Variants in PCDHA6 observed in about 807,000 individuals in gnomAD.
PCDHA6 encodes the protein protocadherin alpha-6.
Under a neutral mutation model 60.3 loss-of-function variants are expected in PCDHA6, and 55 were observed. That is an observed-to-expected ratio of 0.91 (90% CI 0.73 to 1.14). The LOEUF is 1.14. Among genes scored for constraint, PCDHA6 ranks in the 50% most tolerant of loss-of-function variants. The pLI, the probability that PCDHA6 is intolerant of heterozygous loss-of-function variation, is 0.00. For missense variants in PCDHA6, 1,327 were observed against 1,256.5 expected (o/e 1.06, Z -0.85); for synonymous variants, 652 against 557.9 (o/e 1.17, Z -2.38).
chr5:140,885,122 T>A (rs191806335), intron 1 of PCDHA6, among the ~76,000 whole-genome samples: 1 of 152,332 alleles, frequency 6.6e-6, no homozygotes, highest in African/African-American at 2.4e-5. Context: ...AGTGCACTTT[T>A]CTTTCTTTCT....
At chr5:140,890,781 A>G (rs2153431855) in intron 1 of PCDHA6, among the ~76,000 whole-genome samples, 1 of 152,280 alleles carries the variant, frequency 6.6e-6, no homozygotes, top group African/African-American at 2.4e-5. Context: ...ACCCCATAAG[A>G]TATTAGTATT....
At chr5:140,858,080 T>C in intron 1 of PCDHA6, 1 of 1,597,738 alleles carries the variant, frequency 6.3e-7, no homozygotes, top group Non-Finnish European at 8.6e-7. Flanking sequence ...ACCCAAGGCC[T>C]CGTCGCGGGC....
chr5:140,894,892 G>T (rs941698896), intron 1 of PCDHA6, among the ~76,000 whole-genome samples: 8 of 152,060 alleles, frequency 5.3e-5, no homozygotes, highest in Non-Finnish European at 1.0e-4. Flanking sequence ...AACAGACCAG[G>T]ATAATTTTCC....
At chr5:140,938,752 A>G (rs1213369856) in intron 1 of PCDHA6, among the ~76,000 whole-genome samples, 1 of 152,146 alleles carries the variant, frequency 6.6e-6, no homozygotes, top group Non-Finnish European at 1.5e-5. Flanking sequence ...TTTTAAAGGC[A>G]TAGTTATTGG....
chr5:140,855,491 A>G (rs251361), intron 1 of PCDHA6, among the ~76,000 whole-genome samples: 72,952 of 149,084 alleles, frequency 0.49, 20,776 homozygotes, highest in South Asian at 0.61. Flanking sequence ...TTAGTGTCTA[A>G]ATAAACCTTA....
At chr5:140,968,288 C>A in intron 1 of PCDHA6, 1 of 1,613,976 alleles carries the variant, frequency 6.2e-7, no homozygotes, top group Non-Finnish European at 8.5e-7. Context: ...GACCTACTCC[C>A]TTCTGGAGAG....
intron 3 of PCDHA6, among the ~76,000 whole-genome samples, chr5:140,995,186 A>T (rs2097669011): frequency 6.6e-6 from 1 of 152,132 alleles, no homozygotes; most frequent in Non-Finnish European, 1.5e-5. Flanking sequence ...ACCTATGATA[A>T]AGTTTAATTT....
chr5:140,947,938 A>G (rs2094195228), intron 1 of PCDHA6, among the ~76,000 whole-genome samples: 1 of 151,536 alleles, frequency 6.6e-6, no homozygotes, highest in African/African-American at 2.4e-5. Context: ...CTTATGAGAA[A>G]AGTGTTCCAT....
rs2150351099 is a variant in PCDHA6 at position 140,843,050 on chromosome 5, G to C, written c.2394+12565G>C. ...TCGGGTGGGTGGCACTGGTGGCGCA[G>C]CGAGCAAGCTGGTGCCGCGGTCTGT... On this transcript the variant is annotated intron_variant, in intron 1 of 3. Coordinates refer to ENST00000529310, the MANE Select transcript of PCDHA6 (RefSeq NM_018909.4). 4 of 1,595,142 alleles carry C rather than the reference G, an allele frequency of 2.5e-6. 1 individual carries two copies. The highest frequency in any genetic ancestry group is 3.4e-6 in the Non-Finnish European group (4 of 1,165,280).
chr5:140,937,921 A>G (rs1304092674), intron 1 of PCDHA6, among the ~76,000 whole-genome samples: 2 of 152,184 alleles, frequency 1.3e-5, no homozygotes, highest in Non-Finnish European at 2.9e-5. Flanking sequence ...CAAAAAAAAA[A>G]AAAAAAGTTT....
chr5:140,872,165 C>CTT (rs781807025), intron 1 of PCDHA6, among the ~76,000 whole-genome samples: 18 of 144,352 alleles, frequency 1.2e-4, no homozygotes, highest in Non-Finnish European at 2.0e-4. Context: ...ATTTACTTTT[C>CTT]TTTTTTTTTT....
intron 1 of PCDHA6, chr5:140,836,978 G>A (rs1774847497): frequency 2.7e-6 from 1 of 370,178 alleles, no homozygotes; most frequent in Admixed American, 4.2e-5. Context: ...TCCATTTTTG[G>A]AGGAGGACTT....
intron 1 of PCDHA6, among the ~76,000 whole-genome samples, chr5:140,956,692 C>T (rs246012): frequency 0.56 from 85,656 of 151,960 alleles, 24,760 homozygotes; most frequent in African/African-American, 0.69. Context: ...CCTCCTTTTC[C>T]ATTGTTTGGA....
intron 1 of PCDHA6, among the ~76,000 whole-genome samples, chr5:140,855,465 T>G (rs1363813881): frequency 2.0e-5 from 3 of 149,888 alleles, no homozygotes; most frequent in South Asian, 2.1e-4. Context: ...ACCTCACAGA[T>G]AGTTGATGCT....
chr5:140,871,527 G>T lies in PCDHA6; in HGVS notation c.2394+41042G>T, dbSNP rs537927360. ...TTCTACAGATTCCACCTATCAGGAA[G>T]TGTATGTGAAATTATTTAAAATCCA... On this transcript the variant is annotated intron_variant, in intron 1 of 3. Transcript: ENST00000529310. 7 of 1,531,726 alleles carry T rather than the reference G, an allele frequency of 4.6e-6. No individual in the cohort carries two copies. The African/African-American group carries it at 9.7e-5, about 21-fold the overall frequency. The allele number at this position is 1,531,726 out of a possible 1,614,324, so 94.9% of individuals were successfully genotyped here.
At chr5:140,918,943 T>C (rs1554198839) in intron 1 of PCDHA6, among the ~76,000 whole-genome samples, 1 of 152,220 alleles carries the variant, frequency 6.6e-6, no homozygotes, top group Non-Finnish European at 1.5e-5. Context: ...TGTTATAATA[T>C]CCTGAACAGA....
intron 1 of PCDHA6, among the ~76,000 whole-genome samples, chr5:140,973,636 T>C (rs535388717): frequency 6.6e-6 from 1 of 152,234 alleles, no homozygotes; most frequent in Non-Finnish European, 1.5e-5. Flanking sequence ...CTTGTACACA[T>C]TCTGACTGAA....
intron 1 of PCDHA6, among the ~76,000 whole-genome samples, chr5:140,918,404 T>C (rs2078676215): frequency 6.6e-6 from 1 of 152,196 alleles, no homozygotes; most frequent in Admixed American, 6.5e-5. Context: ...CTGATTTCTC[T>C]GGCCAGGACT....
intron 1 of PCDHA6, chr5:140,870,860 C>G: frequency 6.2e-7 from 1 of 1,613,882 alleles, no homozygotes; most frequent in East Asian, 2.2e-5. Context: ...TCGGTGGGTG[C>G]GGGCCACGTG....
Sources: allele counts gnomAD v4.1 joint callset (sites outside exome capture counted in the v4.1 genomes callset), GRCh38; gene constraint gnomAD v4.1.1; transcripts MANE v1.5; gene names NCBI Gene and HGNC (gene_info 2026-07-23, HGNC 2026-07-21).